RANBP2: variants seen among roughly 807,000 people sequenced by gnomAD.
RANBP2 encodes the protein E3 SUMO-protein ligase RanBP2.
RANBP2 carries 57 observed loss-of-function variants against 303.6 expected under a neutral mutation model. That is an observed-to-expected ratio of 0.19 (90% CI 0.15 to 0.23). RANBP2 has a LOEUF of 0.23. Among genes scored for constraint, RANBP2 ranks in the 10% least tolerant of loss-of-function variants. RANBP2 has a pLI of 1.00. For missense variants in RANBP2, 3,138 were observed against 3,780.8 expected (o/e 0.83, Z 4.46); for synonymous variants, 1,167 against 1,301.5 (o/e 0.90, Z 2.23).
the RANBP2 span, among the ~76,000 whole-genome samples, chr2:109,157,847 C>G: frequency 6.6e-6 from 1 of 152,146 alleles, no homozygotes. Flanking sequence ...AAAGCATGTC[C>G]AGGATTAAGG....
the RANBP2 span, among the ~76,000 whole-genome samples, chr2:109,384,013 C>G: frequency 6.6e-6 from 1 of 152,214 alleles, no homozygotes; most frequent in African/African-American, 2.4e-5. Context: ...TGAAGGCAGC[C>G]CATCCTTTCC....
At chr2:109,136,725 C>T in the RANBP2 span, among the ~76,000 whole-genome samples, 23 of 152,176 alleles carry the variant, frequency 1.5e-4, no homozygotes, top group Middle Eastern at 3.2e-3. Context: ...TGCATTTCCA[C>T]TTAATGTAAT....
chr2:109,017,881 G>A, the RANBP2 span, among the ~76,000 whole-genome samples: 4 of 152,244 alleles, frequency 2.6e-5, no homozygotes, highest in South Asian at 8.3e-4. Context: ...GGCTGAGCAC[G>A]GCAATCCTCA....
chr2:108,871,370 T>TAA, the RANBP2 span, among the ~76,000 whole-genome samples: 25 of 76,628 alleles, frequency 3.3e-4, no homozygotes, highest in African/African-American at 7.8e-4. Flanking sequence ...CCAACTCTAT[T>TAA]AAAAAAAAAA....
At chr2:109,032,986 T>C in the RANBP2 span, among the ~76,000 whole-genome samples, 1 of 152,232 alleles carries the variant, frequency 6.6e-6, no homozygotes, top group Non-Finnish European at 1.5e-5. Flanking sequence ...GGGTGAAATA[T>C]AAGTCCTTCC....
chr2:109,513,324 T>G, the RANBP2 span, among the ~76,000 whole-genome samples: 1 of 150,736 alleles, frequency 6.6e-6, no homozygotes, highest in Non-Finnish European at 1.5e-5. Flanking sequence ...ATACTCCACA[T>G]GCACACACCT....
chr2:109,230,214 C>T, the RANBP2 span, among the ~76,000 whole-genome samples: 1,520 of 152,016 alleles, frequency 1.0e-2, 11 homozygotes, highest in South Asian at 0.024. Context: ...CATTCCTCAA[C>T]TTGGGATGGT....
chr2:109,263,909 C>T, the RANBP2 span, among the ~76,000 whole-genome samples: 1 of 152,340 alleles, frequency 6.6e-6, no homozygotes, highest in Non-Finnish European at 1.5e-5. Flanking sequence ...ACGGAGCTTG[C>T]AGTGAGCCAA....
chr2:109,077,225 A>T, the RANBP2 span, among the ~76,000 whole-genome samples: 1 of 150,714 alleles, frequency 6.6e-6, no homozygotes, highest in Non-Finnish European at 1.5e-5. Context: ...ACCATATACA[A>T]AAGTCAGCTC....
chr2:109,621,914 A>AAAATAAATAAAT, the RANBP2 span, among the ~76,000 whole-genome samples: 30,475 of 146,372 alleles, frequency 0.21, 3,996 homozygotes, highest in Middle Eastern at 0.33. Flanking sequence ...CTCCATCTCA[A>AAAATAAATAAAT]AAATAAATAA....
At chr2:109,139,865 G>A in the RANBP2 span, among the ~76,000 whole-genome samples, 1 of 152,234 alleles carries the variant, frequency 6.6e-6, no homozygotes, top group Non-Finnish European at 1.5e-5. Flanking sequence ...GACATCTGGA[G>A]TCGTGTGGAC....
At chr2:109,377,934 C>T in the RANBP2 span, among the ~76,000 whole-genome samples, 3 of 152,312 alleles carry the variant, frequency 2.0e-5, no homozygotes, top group East Asian at 1.9e-4. Flanking sequence ...TCATTGGGAG[C>T]GGATAGCTCG....
chr2:108,797,137 T>C, the RANBP2 span, among the ~76,000 whole-genome samples: 3 of 152,094 alleles, frequency 2.0e-5, no homozygotes, highest in African/African-American at 7.2e-5. Flanking sequence ...ATTTTAGCCA[T>C]TGAGTGGATA....
At chr2:109,574,443 T>TAAA in the RANBP2 span, 11,717 of 268,876 alleles carry the variant, frequency 0.044, 323 homozygotes, top group Admixed American at 0.15. Flanking sequence ...ACTTTATCTC[T>TAAA]AAAAAAAAAA....
the RANBP2 span, among the ~76,000 whole-genome samples, chr2:109,404,896 G>A: frequency 6.6e-6 from 1 of 152,124 alleles, no homozygotes; most frequent in Non-Finnish European, 1.5e-5. Context: ...GCTGTGGACA[G>A]CACCCCTTCC....
At chr2:109,215,270 C>T in the RANBP2 span, among the ~76,000 whole-genome samples, 2 of 152,120 alleles carry the variant, frequency 1.3e-5, no homozygotes, top group Admixed American at 6.5e-5. Flanking sequence ...GGGGAGAAGG[C>T]CACTTTGGGT....
the RANBP2 span, among the ~76,000 whole-genome samples, chr2:109,303,470 T>C: frequency 6.6e-6 from 1 of 152,198 alleles, no homozygotes; most frequent in Non-Finnish European, 1.5e-5. Flanking sequence ...ACTAAGAAGA[T>C]GAAACTTTTT....
the RANBP2 span, among the ~76,000 whole-genome samples, chr2:109,047,026 A>T: frequency 2.0e-5 from 3 of 151,318 alleles, no homozygotes; most frequent in African/African-American, 7.3e-5. Flanking sequence ...AGTGCCAGAG[A>T]CTGGACGTGG....
At chr2:109,083,217 T>C in the RANBP2 span, among the ~76,000 whole-genome samples, 1 of 152,124 alleles carries the variant, frequency 6.6e-6, no homozygotes, top group Non-Finnish European at 1.5e-5. Context: ...TGTACAACCA[T>C]CACCACCATC....
Sources: gnomAD v4.1 joint callset for allele counts (sites outside exome capture counted in the v4.1 genomes callset) on GRCh38, gnomAD v4.1.1 for gene constraint, MANE v1.5 for transcripts, NCBI Gene and HGNC (gene_info 2026-07-23, HGNC 2026-07-21) for gene names.